The following PCDH15 variants were observed in gnomAD, a reference collection of about 807,000 sequenced individuals.
The protein encoded by PCDH15 is protocadherin-15.
A neutral mutation model predicts 178.5 loss-of-function variants in PCDH15; 129 were observed. The observed-to-expected ratio is 0.72, with a 90% CI of 0.63 to 0.84. PCDH15 has a LOEUF of 0.84. Among genes scored for constraint, PCDH15 ranks in the 40% least tolerant of loss-of-function variants. The probability of loss-of-function intolerance (pLI) is 0.00; values close to 1 mark genes in which losing one functional copy is unlikely to be tolerated. For missense variants in PCDH15, 2,230 were observed against 2,099.9 expected (o/e 1.06, Z -1.21); for synonymous variants, 800 against 732.0 (o/e 1.09, Z -1.50).
chr10:55,249,750 A>G (rs1841785456), intron 1 of PCDH15, among the ~76,000 whole-genome samples: 1 of 152,024 alleles, frequency 6.6e-6, no homozygotes, highest in Non-Finnish European at 1.5e-5. Flanking sequence ...AATAAAATAA[A>G]TATTGTCATG....
chr10:54,963,335 GT>G (rs5785104), intron 2 of PCDH15, among the ~76,000 whole-genome samples: 108,002 of 148,464 alleles, frequency 0.73, 39,264 homozygotes, highest in East Asian at 0.88. Flanking sequence ...CATAAAATGT[GT>G]TTTTTTTTTT....
At position 54,079,316 on chromosome 10, in the gene PCDH15, A is replaced by T; in HGVS notation, c.2091+15T>A. 6.2e-7 allele frequency: 1 copy of T among 1,611,286 alleles called. No homozygotes were observed. Among genetic ancestry groups the T allele is most frequent in the Non-Finnish European group, 8.5e-7 (1 of 1,177,436 alleles). On this transcript the variant is annotated intron_variant, in intron 17 of 37. Transcript: ENST00000644397. ...AATACTATTTTTAAAACCCCTTCAC[A>T]GGGAGCATACTCACCCCATCTGGCC... is the stretch of plus-strand genomic sequence containing the variant.
chr10:54,477,371 G>T (rs2078347096), intron 3 of PCDH15, among the ~76,000 whole-genome samples: 1 of 152,002 alleles, frequency 6.6e-6, no homozygotes, highest in Non-Finnish European at 1.5e-5. Flanking sequence ...TTTCTTGGTT[G>T]GGCATCCCTA....
At chr10:55,488,284 C>T (rs533214393) in intron 2 of PCDH15, among the ~76,000 whole-genome samples, 6 of 151,588 alleles carry the variant, frequency 4.0e-5, no homozygotes, top group South Asian at 2.1e-4. Context: ...TGTTCTTAGA[C>T]GTGAGGCTCA....
chr10:54,856,222 C>T (rs1474504625), intron 3 of PCDH15, among the ~76,000 whole-genome samples: 1 of 152,084 alleles, frequency 6.6e-6, no homozygotes, highest in Non-Finnish European at 1.5e-5. Flanking sequence ...CTTCACAGTA[C>T]AGAGGAAAGA....
At chr10:54,603,685 A>C (rs1158499476) in intron 2 of PCDH15, among the ~76,000 whole-genome samples, 1 of 151,926 alleles carries the variant, frequency 6.6e-6, no homozygotes, top group African/African-American at 2.4e-5. Context: ...ACAGTAGTAG[A>C]GTAAAAATCT....
At chr10:55,572,055 G>A (rs1247010314) in intron 2 of PCDH15, among the ~76,000 whole-genome samples, 20 of 151,900 alleles carry the variant, frequency 1.3e-4, no homozygotes, top group Non-Finnish European at 4.4e-5. Context: ...ATATTCCCAA[G>A]GAATGATTAT....
At chr10:53,823,389 G>A (rs1005195404) in intron 32 of PCDH15, 3 of 1,592,318 alleles carry the variant, frequency 1.9e-6, no homozygotes, top group Non-Finnish European at 2.6e-6. Flanking sequence ...TGAAATGTAA[G>A]GAAACAAGTT....
intron 2 of PCDH15, among the ~76,000 whole-genome samples, chr10:55,373,845 G>A (rs1306371105): frequency 2.0e-5 from 3 of 151,326 alleles, no homozygotes; most frequent in East Asian, 2.0e-4. Flanking sequence ...ACAGACTAAC[G>A]CAGGAACAGA....
chr10:54,413,340 G>A (rs11004282), intron 3 of PCDH15, among the ~76,000 whole-genome samples: 71,658 of 151,864 alleles, frequency 0.47, 17,629 homozygotes, highest in Non-Finnish European at 0.53. Context: ...GGAACCACTT[G>A]ATCAAAGGTC....
intron 1 of PCDH15, among the ~76,000 whole-genome samples, chr10:55,196,628 T>C (rs572722083): frequency 6.6e-6 from 1 of 152,200 alleles, no homozygotes; most frequent in African/African-American, 2.4e-5. Context: ...AGGATAAATG[T>C]AATTAAATCA....
chr10:53,895,496 T>C (rs1244471679), intron 26 of PCDH15, among the ~76,000 whole-genome samples: 2 of 152,210 alleles, frequency 1.3e-5, no homozygotes, highest in Non-Finnish European at 2.9e-5. Flanking sequence ...AGAGATCAAA[T>C]CAACATTATA....
At chr10:54,495,724 A>G (rs1176477668) in intron 3 of PCDH15, among the ~76,000 whole-genome samples, 1 of 152,078 alleles carries the variant, frequency 6.6e-6, no homozygotes, top group African/African-American at 2.4e-5. Context: ...TCCCCCATCC[A>G]TGCAATATTT....
At chr10:54,278,754 G>A (rs543871147) in intron 8 of PCDH15, among the ~76,000 whole-genome samples, 1 of 151,604 alleles carries the variant, frequency 6.6e-6, no homozygotes, top group African/African-American at 2.4e-5. Flanking sequence ...AGCCTGTGGA[G>A]AATGGCAACA....
chr10:54,048,023 C>T (rs953165346), intron 18 of PCDH15, among the ~76,000 whole-genome samples: 1 of 152,094 alleles, frequency 6.6e-6, no homozygotes, highest in Non-Finnish European at 1.5e-5. Context: ...ACATTTCCAC[C>T]AACAGTGTAT....
chr10:54,404,352 C>T (rs547164789), intron 3 of PCDH15, among the ~76,000 whole-genome samples: 1 of 151,854 alleles, frequency 6.6e-6, no homozygotes, highest in East Asian at 1.9e-4. Flanking sequence ...AACAGAGAAC[C>T]CAGAAACAAG....
intron 2 of PCDH15, among the ~76,000 whole-genome samples, chr10:55,058,005 T>C (rs1454235532): frequency 6.6e-6 from 1 of 152,156 alleles, no homozygotes; most frequent in Middle Eastern, 3.2e-3. Flanking sequence ...TTTATTTATC[T>C]TAACTACATC....
intron 2 of PCDH15, among the ~76,000 whole-genome samples, chr10:54,660,736 G>T (rs536429725): frequency 6.6e-6 from 1 of 152,118 alleles, no homozygotes; most frequent in Admixed American, 6.6e-5. Flanking sequence ...ACCAAATCCA[G>T]CAGTTCATCA....
In PCDH15 at chr10:54,575,648, C is replaced by A. The variant is rs78703310; in HGVS notation, c.92-47771G>T. On this transcript the variant is annotated intron_variant, in intron 2 of 37. Coordinates refer to ENST00000644397, the MANE Select transcript of PCDH15 (RefSeq NM_001384140.1). ...GTTCTACTGGGCTTACTCTACAGTG[C>A]AGGTAGATATATTGAAAATTCCTAA... is the stretch of plus-strand genomic sequence containing the variant. Among the ~76,000 whole-genome samples, 517 of 142,500 alleles carry A rather than the reference C, an allele frequency of 3.6e-3. 8 individuals carry two copies. Among genetic ancestry groups the A allele is most frequent in the African/African-American group, 0.013 (499 of 38,590 alleles). 93.5% of individuals were successfully genotyped at this position (142,500 alleles called of 152,430 possible).
Sources: allele counts gnomAD v4.1 joint callset (sites outside exome capture counted in the v4.1 genomes callset), GRCh38; gene constraint gnomAD v4.1.1; transcripts MANE v1.5; gene names NCBI Gene and HGNC (gene_info 2026-07-23, HGNC 2026-07-21).